Variants in CHRNA7 observed in about 807,000 individuals in gnomAD.
The protein encoded by CHRNA7 is neuronal acetylcholine receptor subunit alpha-7.
In CHRNA7, 17 loss-of-function variants were observed where a neutral mutation model predicts 48.0. The observed-to-expected ratio is 0.35, with a 90% confidence interval of 0.24 to 0.53. The LOEUF (loss-of-function observed/expected upper bound fraction) is 0.53. CHRNA7 is among the 20% of genes least tolerant of loss of function. CHRNA7 has a pLI of 0.92. For synonymous variants in CHRNA7, 75 were observed against 242.3 expected (o/e 0.31, Z 6.41); for missense variants, 155 against 577.7 (o/e 0.27, Z 7.50).
At chr15:32,127,683 G>C (rs529028899) in intron 4 of CHRNA7, among the ~76,000 whole-genome samples, 3 of 152,130 alleles carry the variant, frequency 2.0e-5, no homozygotes, top group Admixed American at 2.0e-4. Context: ...TTACTCTTGA[G>C]ATTTAAGAGT....
intron 2 of CHRNA7, among the ~76,000 whole-genome samples, chr15:32,043,104 T>TTAAC (rs2049477282): frequency 6.6e-6 from 1 of 152,210 alleles, no homozygotes; most frequent in Admixed American, 6.5e-5. Context: ...TTAAGCAGTA[T>TTAAC]TAACAGGCAT....
chr15:32,044,506 G>A (rs1361877817), intron 2 of CHRNA7, among the ~76,000 whole-genome samples: 7 of 152,146 alleles, frequency 4.6e-5, no homozygotes, highest in Non-Finnish European at 1.0e-4. Flanking sequence ...TCCAACTCCT[G>A]ACCTCATGAT....
intron 4 of CHRNA7, among the ~76,000 whole-genome samples, chr15:32,143,666 A>G (rs1483454279): frequency 6.6e-6 from 1 of 152,138 alleles, no homozygotes; most frequent in Non-Finnish European, 1.5e-5. Context: ...CTTTACCATT[A>G]TATAATGGCC....
chr15:32,110,999 G>T (rs1049630500), intron 3 of CHRNA7, among the ~76,000 whole-genome samples: 5 of 152,154 alleles, frequency 3.3e-5, no homozygotes. Flanking sequence ...CCTCCTGTGG[G>T]GTGGTGCTGG....
intron 3 of CHRNA7, chr15:32,101,629 C>A (rs2050575344): frequency 5.3e-6 from 2 of 379,608 alleles, no homozygotes; most frequent in Non-Finnish European, 9.2e-6. Flanking sequence ...CAAGAAGATA[C>A]AGGGCTGTGT....
At chr15:32,063,423 C>T (rs1409848112) in intron 2 of CHRNA7, among the ~76,000 whole-genome samples, 1 of 152,098 alleles carries the variant, frequency 6.6e-6, no homozygotes, top group East Asian at 1.9e-4. Flanking sequence ...TGCAAATGAG[C>T]TTCCAGGTGA....
At chr15:32,091,308 T>C (rs759910094) in intron 2 of CHRNA7, among the ~76,000 whole-genome samples, 4 of 152,208 alleles carry the variant, frequency 2.6e-5, no homozygotes, top group Non-Finnish European at 5.9e-5. Flanking sequence ...CAGGAGGGTA[T>C]AATCATTGTG....
chr15:32,030,845 G>A, intron 1 of CHRNA7, 53 bp from the exon 2 acceptor site: 1 of 1,588,332 alleles, frequency 6.3e-7, no homozygotes, highest in Admixed American at 1.7e-5. Flanking sequence ...GGGAGTCGGG[G>A]GTACCCCCGC....
rs76315299 is a variant in CHRNA7 at position 32,054,644 on chromosome 15, A to G, written c.195+23607A>G. On this transcript the variant is annotated intron_variant, in intron 2 of 9. Transcript: ENST00000306901. Reference sequence around the variant, plus strand: ...GTTTTGCCCTTCTCTGGAACTCTGTATAAGAGGAATCACCCAAGCACACAG... The same window carrying G: ...GTTTTGCCCTTCTCTGGAACTCTGTGTAAGAGGAATCACCCAAGCACACAG... 1.9e-4 allele frequency among the ~76,000 whole-genome samples: 29 copies of G among 152,306 alleles called. 1 individual carries two copies. In the East Asian group the frequency reaches 5.6e-3, roughly 29 times the overall value.
At chr15:32,138,838 C>G (rs111540552) in intron 4 of CHRNA7, among the ~76,000 whole-genome samples, 3,251 of 152,206 alleles carry the variant, frequency 0.021, 116 homozygotes, top group African/African-American at 0.071. Context: ...ACTGCAACCT[C>G]CACGTCCCGG....
At chr15:32,148,372 G>A (rs1379077057) in intron 4 of CHRNA7, among the ~76,000 whole-genome samples, 1 of 152,190 alleles carries the variant, frequency 6.6e-6, no homozygotes, top group Non-Finnish European at 1.5e-5. Context: ...TGCTTTCTCT[G>A]TGGAGGCACA....
rs139574941 is a variant in CHRNA7 at position 32,095,212 on chromosome 15, G to T, written c.196-6091G>T. Among the ~76,000 whole-genome samples, 12 of 152,294 alleles carry T rather than the reference G, an allele frequency of 7.9e-5. No individual in the cohort carries two copies. The East Asian group carries it at 2.3e-3, about 29-fold the overall frequency. ...GAGGTAGAGCCGAGCTCTGTATCCC[G>T]AGAGGGCCAGGCCCTGTGGTACGAG... On this transcript the variant is annotated intron_variant, in intron 2 of 9. Coordinates refer to ENST00000306901, the MANE Select transcript of CHRNA7 (RefSeq NM_000746.6).
chr15:32,030,560 G>A lies in CHRNA7; in HGVS notation c.-35G>A, dbSNP rs1901757706. On this transcript the variant is annotated 5_prime_UTR_variant, in exon 1 of 10. Transcript: ENST00000306901. ...AGGCCCGGGCGACAGCCGAGACGTG[G>A]AGCGCGCCGGCTCGCTGCAGCTCCG... 1 of 1,461,314 alleles carries A rather than the reference G, an allele frequency of 6.8e-7. No homozygotes were observed. The highest frequency in any genetic ancestry group is 2.4e-4 in the Middle Eastern group (1 of 4,206). The allele number at this position is 1,461,314 out of a possible 1,614,324, so 90.5% of individuals were successfully genotyped here. A position where few individuals can be genotyped will look rare whatever the true frequency, so the allele number is the denominator to read the frequency against.
intron 4 of CHRNA7, among the ~76,000 whole-genome samples, chr15:32,131,102 A>G (rs1302940642): frequency 6.6e-6 from 1 of 151,964 alleles, no homozygotes; most frequent in Non-Finnish European, 1.5e-5. Flanking sequence ...GCTGCTTTCA[A>G]GATTTTCTCT....
intron 2 of CHRNA7, among the ~76,000 whole-genome samples, chr15:32,039,551 C>T (rs1035242310): frequency 6.6e-6 from 1 of 152,034 alleles, no homozygotes; most frequent in Non-Finnish European, 1.5e-5. Context: ...CTAATCTCCA[C>T]GTATTTTTGG....
intron 2 of CHRNA7, among the ~76,000 whole-genome samples, chr15:32,074,637 ATATTATTAT>A (rs113812797): frequency 0.011 from 1,562 of 141,758 alleles, 8 homozygotes; most frequent in South Asian, 0.015. Flanking sequence ...CACATTATTA[ATATTATTAT>A]TATTATTATT....
intron 4 of CHRNA7, among the ~76,000 whole-genome samples, chr15:32,148,988 C>A (rs1253509912): frequency 6.6e-6 from 1 of 152,200 alleles, no homozygotes; most frequent in Non-Finnish European, 1.5e-5. Flanking sequence ...GTTTGAGTTA[C>A]ATTTGCCCCA....
intron 2 of CHRNA7, among the ~76,000 whole-genome samples, chr15:32,052,622 G>A (rs560892650): frequency 4.7e-4 from 72 of 152,200 alleles, no homozygotes; most frequent in African/African-American, 1.3e-3. Context: ...CCAGCTACTC[G>A]GGAGGCTGAG....
At chr15:32,088,183 A>G (rs1038290013) in intron 2 of CHRNA7, among the ~76,000 whole-genome samples, 2 of 152,198 alleles carry the variant, frequency 1.3e-5, no homozygotes, top group Non-Finnish European at 2.9e-5. Flanking sequence ...TATTGGAATG[A>G]TACAATATGT....
Sources: gnomAD v4.1 joint callset for allele counts (sites outside exome capture counted in the v4.1 genomes callset) on GRCh38, gnomAD v4.1.1 for gene constraint, MANE v1.5 for transcripts, NCBI Gene and HGNC (gene_info 2026-07-23, HGNC 2026-07-21) for gene names.